Variants in RPS13 observed in about 807,000 individuals in gnomAD.
The protein encoded by RPS13 is ribosomal protein S13.
RPS13 carries 1 observed loss-of-function variant against 24.6 expected under a neutral mutation model. That is an observed-to-expected ratio of 0.04 (90% CI 0.01 to 0.19). RPS13 has a LOEUF of 0.19. RPS13 is among the 10% of genes least tolerant of loss of function. The pLI is 1.00. For synonymous variants in RPS13, 69 were observed against 65.3 expected, an observed-to-expected ratio of 1.06 and a Z score of -0.27; for missense variants, 88 against 187.4, an observed-to-expected ratio of 0.47 and a Z score of 3.10.
At position 17,077,635 on chromosome 11, in the gene RPS13, G is replaced by A; in HGVS notation, c.7C>T (p.Arg3Cys). The A allele has an allele frequency of 1.9e-6, 3 of 1,609,986 alleles. No homozygotes were observed. Among genetic ancestry groups the A allele is most frequent in the Non-Finnish European group, 2.5e-6 (3 of 1,179,688 alleles). Residue 3 changes from arginine (R) to cysteine (C), a missense_variant, in exon 1 of 6, where the codon CGC (arginine) becomes TGC (cysteine). Coordinates refer to ENST00000525634, the MANE Select transcript of RPS13 (RefSeq NM_001017.3). MG[R>C]MHAPGKGLSQ... ...CGAGCTCACCCGGGAGCATGCATGC[G>A]ACCCATGATGGCGGCGATCAGGCAA...
intron 3 of RPS13, chr11:17,076,519 G>A (rs918998700): frequency 1.6e-5 from 6 of 381,140 alleles, no homozygotes; most frequent in African/African-American, 1.1e-4. Flanking sequence ...TCGCGCCACT[G>A]CACTCCAGAC....
chr11:17,075,165 T>C lies in RPS13; in HGVS notation c.354A>G (p.Ile118Met). ...DKDAKFRLIL[I>M]ESRIHRLARY... ...GAGCCAAACGGTGAATCCGGCTCTC[T>C]ATTAGAATCAGACGGAATTTAGCAT... The change falls in exon 5 of 6, where the codon ATA becomes ATG. Residue 118 changes from isoleucine to methionine, a missense_variant. Coordinates refer to ENST00000525634, the MANE Select transcript of RPS13 (RefSeq NM_001017.3). 6.2e-7 allele frequency: 1 copy of C among 1,607,842 alleles called. No individual in the cohort carries two copies. The highest frequency in any genetic ancestry group is 8.5e-7 in the Non-Finnish European group (1 of 1,178,474).
At chr11:17,074,705 G>C (rs1369142045) in intron 5 of RPS13, 1 of 693,312 alleles carries the variant, frequency 1.4e-6, no homozygotes, top group South Asian at 1.5e-5. Context: ...AACATTTCTG[G>C]TGGAAACTGC....
At chr11:17,075,061 A>AT in intron 5 of RPS13, 36 bp downstream of exon 5, 3 of 1,424,462 alleles carry the variant, frequency 2.1e-6, no homozygotes, top group Non-Finnish European at 2.9e-6. Context: ...GCTGACTCCT[A>AT]TTCTTGATAA....
rs771696433 is a variant in RPS13, at chr11:17,077,148, T to A, written c.151+20A>T. ...ACACGAGGACAGGCGAAATAGGCTATGTTAGACACAAACACTCACCGATCT... is the reference window on the plus strand; with the variant it reads ...ACACGAGGACAGGCGAAATAGGCTAAGTTAGACACAAACACTCACCGATCT... On this transcript the variant is annotated intron_variant, in intron 3 of 5. Coordinates refer to ENST00000525634, the MANE Select transcript of RPS13 (RefSeq NM_001017.3). The A allele has an allele frequency of 3.2e-5, 50 of 1,582,144 alleles. No homozygotes were observed. The highest frequency in any genetic ancestry group is 4.3e-5 in the Non-Finnish European group (50 of 1,151,450).
At chr11:17,075,675 T>A in intron 3 of RPS13, 52 bp from the exon 4 acceptor site, 1 of 1,400,592 alleles carries the variant, frequency 7.1e-7, no homozygotes, top group South Asian at 1.2e-5. Flanking sequence ...AACTGGAGAA[T>A]GTGATGATGT....
chr11:17,077,276 T>C (rs1848036120), intron 2 of RPS13, 30 bp from the exon 3 acceptor site: 1 of 1,603,104 alleles, frequency 6.2e-7, no homozygotes, highest in Non-Finnish European at 8.5e-7. Context: ...AGCCTTAGGA[T>C]GAGAACCCAG....
intron 3 of RPS13, chr11:17,076,632 G>C (rs1446563490): frequency 1.1e-5 from 4 of 373,276 alleles, no homozygotes; most frequent in African/African-American, 2.2e-5. Context: ...ACTGCAGCCT[G>C]GGACTTCTAG....
rs1203064307 is a variant in RPS13 at position 17,077,153 on chromosome 11, GAC to G, written c.151+13_151+14del. ...AGGACAGGCGAAATAGGCTATGTTA[GAC>G]ACAAACACTCACCGATCTGTGAAGG... On this transcript the variant is annotated intron_variant, in intron 3 of 5. Coordinates refer to ENST00000525634, the MANE Select transcript of RPS13 (RefSeq NM_001017.3). 6.3e-7 allele frequency: 1 copy of G among 1,594,586 alleles called. No homozygotes were observed. The highest frequency in any genetic ancestry group is 1.1e-5 in the South Asian group (1 of 90,676).
intron 3 of RPS13, chr11:17,076,101 G>A (rs1848021861): frequency 7.6e-6 from 2 of 262,952 alleles, no homozygotes; most frequent in African/African-American, 2.3e-5. Flanking sequence ...CCTTTTAAGA[G>A]GTGGGATCAG....
At chr11:17,076,856 G>A in intron 3 of RPS13, 4 of 467,172 alleles carry the variant, frequency 8.6e-6, no homozygotes, top group South Asian at 8.1e-5. Flanking sequence ...GAGGAACTGT[G>A]TCAGGCACTC....
intron 5 of RPS13, chr11:17,074,808 C>T: frequency 1.5e-6 from 1 of 660,506 alleles, no homozygotes; most frequent in Non-Finnish European, 2.8e-6. Flanking sequence ...AATCTACCTA[C>T]TATCTAAAAG....
At chr11:17,075,719 TG>T in intron 3 of RPS13, 96 bp from the exon 4 acceptor site, 11 of 936,374 alleles carry the variant, frequency 1.2e-5, no homozygotes, top group South Asian at 2.8e-5. Context: ...GTTTCCTATC[TG>T]TAAGATGGGG....
chr11:17,077,053 A>G (rs1590881116), intron 3 of RPS13, 115 bp downstream of exon 3: 1 of 757,564 alleles, frequency 1.3e-6, no homozygotes, highest in African/African-American at 1.7e-5. Context: ...TGATGCCTCT[A>G]GCACGGTGGC....
At chr11:17,077,054 G>C (rs1176862737) in intron 3 of RPS13, 114 bp downstream of exon 3, 2 of 761,116 alleles carry the variant, frequency 2.6e-6, no homozygotes, top group Non-Finnish European at 4.7e-6. Context: ...GATGCCTCTA[G>C]CACGGTGGCG....
intron 3 of RPS13, chr11:17,076,726 G>C (rs1000251438): frequency 9.4e-6 from 3 of 318,256 alleles, no homozygotes; most frequent in African/African-American, 6.7e-5. Flanking sequence ...CGGGGGAGTC[G>C]GAGAGTAGTA....
At chr11:17,075,064 C>T in intron 5 of RPS13, 33 bp downstream of exon 5, 1 of 1,454,016 alleles carries the variant, frequency 6.9e-7, no homozygotes, top group Non-Finnish European at 9.5e-7. Context: ...GACTCCTATT[C>T]TTGATAACAA....
chr11:17,076,438 C>T (rs1322570137), intron 3 of RPS13: 16 of 303,724 alleles, frequency 5.3e-5, no homozygotes, highest in Admixed American at 2.7e-4. Context: ...CGCCTGTAAT[C>T]CCACCTATTC....
chr11:17,074,682 C>A, intron 5 of RPS13: 1 of 703,986 alleles, frequency 1.4e-6, no homozygotes. Context: ...AAGAACTGGC[C>A]AACATAAGGA....
Sources: allele counts gnomAD v4.1 joint callset, GRCh38; gene constraint gnomAD v4.1.1; transcripts MANE v1.5; gene names NCBI Gene and HGNC (gene_info 2026-07-23, HGNC 2026-07-21).